Variants in C5orf15 observed in about 807,000 individuals in gnomAD.
The protein encoded by C5orf15 is keratinocyte-associated transmembrane protein 2.
In C5orf15, 10 loss-of-function variants were observed where a neutral mutation model predicts 17.8. That is an observed-to-expected ratio of 0.56 (90% CI 0.35 to 0.95). The LOEUF is 0.95. C5orf15 is among the 40% of genes least tolerant of loss of function. The pLI, the probability that C5orf15 is intolerant of heterozygous loss-of-function variation, is 0.02. For synonymous variants in C5orf15, 124 were observed against 131.0 expected, an observed-to-expected ratio of 0.95 and a Z score of 0.36; for missense variants, 319 against 331.7, an observed-to-expected ratio of 0.96 and a Z score of 0.30.
chr5:133,959,965 G>T lies in C5orf15; in HGVS notation c.195C>A (p.Thr65=), dbSNP rs780496860. 1 of 1,613,922 alleles carries T rather than the reference G, an allele frequency of 6.2e-7. No individual in the cohort carries two copies. The highest frequency in any genetic ancestry group is 8.5e-7 in the Non-Finnish European group (1 of 1,179,938). The change falls in exon 2 of 3, where the codon ACC becomes ACA. Residue 65 remains threonine (T), a synonymous_variant. Coordinates refer to ENST00000231512, the MANE Select transcript of C5orf15 (RefSeq NM_020199.3). ...CATGTGTTAAAGCATTCACATTTGG[G>T]GTAGAAATATGTGAGTTGAGTACGG... The part of the protein sequence containing the change: ...SPTVLNSHIS[T]PNVNALTHEN...
rs527787014 is a variant in C5orf15, at chr5:133,967,918, G to A, written c.139+528C>T. On this transcript the variant is annotated intron_variant, in intron 1 of 2. Coordinates refer to ENST00000231512, the MANE Select transcript of C5orf15 (RefSeq NM_020199.3). ...CTGGATTACTGCCCCTGCCCGCCTC[G>A]GTCTTTACCACTGACCTCTCCCATT... Among the ~76,000 whole-genome samples, 21 of 151,992 alleles carry A rather than the reference G, an allele frequency of 1.4e-4. No individual in the cohort carries two copies. In the East Asian group the frequency reaches 4.1e-3, roughly 29 times the overall value.
chr5:133,957,159 G>C (rs1471310690), intron 2 of C5orf15, among the ~76,000 whole-genome samples, 169 bp from the exon 3 acceptor site: 1 of 152,056 alleles, frequency 6.6e-6, no homozygotes, highest in East Asian at 1.9e-4. Context: ...GAGCCCAGGA[G>C]TCCGAGACCA....
chr5:133,966,034 A>C (rs569288105), intron 1 of C5orf15, among the ~76,000 whole-genome samples: 57 of 152,164 alleles, frequency 3.7e-4, no homozygotes, highest in African/African-American at 1.2e-3. Context: ...ACCATCCTGG[A>C]TAACACGGTG....
chr5:133,966,180 C>G (rs1408163419), intron 1 of C5orf15, among the ~76,000 whole-genome samples: 2 of 151,158 alleles, frequency 1.3e-5, no homozygotes. Flanking sequence ...GAGATCACGC[C>G]ACTGCACTCC....
At chr5:133,960,401 T>C (rs1298536498) in intron 1 of C5orf15, among the ~76,000 whole-genome samples, 8 of 152,198 alleles carry the variant, frequency 5.3e-5, no homozygotes, top group Admixed American at 5.2e-4. Context: ...GTCCAGACTT[T>C]ACCTGATCCC....
rs1322274410 is a variant in C5orf15 at position 133,959,907 on chromosome 5, T to C, written c.253A>G (p.Ser85Gly). ...NQTKPSISQISTTLPPTTSTK... is the reference protein window; with the variant it reads ...NQTKPSISQIGTTLPPTTSTK... ...CTCGTCGTGGGAGGGAGGGTGGTGC[T>C]GATTTGGGAAATAGAAGGTTTGGTT... Residue 85 changes from serine (S) to glycine (G), a missense_variant, in exon 2 of 3, where the codon AGC becomes GGC. Physicochemically the swap from Ser to Gly is moderately conservative, Grantham distance 56 (BLOSUM62 0). Around this residue, in one of 3 missense-constraint regions of C5orf15, gnomAD observed 17 missense variants for 43.6 expected, o/e 0.39. Transcript: ENST00000231512. 6.2e-7 allele frequency: 1 copy of C among 1,614,076 alleles called. No individual in the cohort carries two copies. The highest frequency in any genetic ancestry group is 1.7e-5 in the Admixed American group (1 of 60,010).
Position 133,955,832 on chromosome 5 carries a change from T to C in C5orf15, c.*1027A>G, listed in dbSNP as rs1029717793. On this transcript the variant is annotated 3_prime_UTR_variant, in exon 3 of 3. Coordinates refer to ENST00000231512, the MANE Select transcript of C5orf15 (RefSeq NM_020199.3). ...TTACATATTGATCAATTCTTTATGA[T>C]AGAAAGACAGACATAAATGAATCCC... 1.2e-4 allele frequency: 18 copies of C among 152,360 alleles called. No individual in the cohort carries two copies. The highest frequency in any genetic ancestry group is 4.1e-4 in the African/African-American group (17 of 41,562). The allele number at this position is 152,360 out of a possible 1,614,324, so 9.4% of individuals were successfully genotyped here.
Position 133,968,597 on chromosome 5 carries a change from TGGG to T in C5orf15, c.-16_-14del, listed in dbSNP as rs1752232777. 2 of 1,600,926 alleles carry T rather than the reference TGGG, an allele frequency of 1.2e-6. No individual in the cohort carries two copies. The highest frequency in any genetic ancestry group is 1.7e-6 in the Non-Finnish European group (2 of 1,174,394). ...CGGCAGCGGCCATAACGGACTCGGC[TGGG>T]AGCCTGCGCTGTTGCTAGGCTCTAC... On this transcript the variant is annotated 5_prime_UTR_variant, in exon 1 of 3. Coordinates refer to ENST00000231512, the MANE Select transcript of C5orf15 (RefSeq NM_020199.3).
At position 133,959,764 on chromosome 5, in the gene C5orf15, C is replaced by G. The variant is rs550486404; in HGVS notation, c.396G>C (p.Leu132=). The G allele has an allele frequency of 6.2e-7, 1 of 1,613,998 alleles. No homozygotes were observed. Among genetic ancestry groups the G allele is most frequent in the Non-Finnish European group, 8.5e-7 (1 of 1,180,030 alleles). ...CTTTGGCTGTGGATGGAGAACTGTT[C>G]AGCATGAGAAGATCCTCCTCCTCTA... ...PSIEEEDLLM[L]NSSPSTAKDT... Residue 132 remains leucine (L), a synonymous_variant, in exon 2 of 3, where the codon CTG becomes CTC. Coordinates refer to ENST00000231512, the MANE Select transcript of C5orf15 (RefSeq NM_020199.3).
chr5:133,956,854 G>A lies in C5orf15; in HGVS notation c.*5C>T. 1.9e-6 allele frequency: 3 copies of A among 1,580,166 alleles called. No homozygotes were observed. Among genetic ancestry groups the A allele is most frequent in the Non-Finnish European group, 2.6e-6 (3 of 1,168,648 alleles). ...ATTACATAAGCAAATTCAAATCACAGTGCTTTAAAAAATATAATCATTGGT... is the reference window on the plus strand; with the variant it reads ...ATTACATAAGCAAATTCAAATCACAATGCTTTAAAAAATATAATCATTGGT... On this transcript the variant is annotated 3_prime_UTR_variant, in exon 3 of 3. Transcript: ENST00000231512.
chr5:133,966,367 C>A (rs1752192307), intron 1 of C5orf15, among the ~76,000 whole-genome samples: 1 of 151,690 alleles, frequency 6.6e-6, no homozygotes, highest in African/African-American at 2.4e-5. Flanking sequence ...AGAAACAATG[C>A]CTTAAAAATG....
rs1321887830 is a variant in C5orf15 at position 133,956,448 on chromosome 5, C to G, written c.*411G>C. 1.3e-5 allele frequency: 2 copies of G among 156,060 alleles called. No individual in the cohort carries two copies. Among genetic ancestry groups the G allele is most frequent in the African/African-American group, 4.8e-5 (2 of 41,414 alleles). 9.7% of individuals were successfully genotyped at this position (156,060 alleles called of 1,614,324 possible). Reference sequence around the variant, plus strand: ...TTATCACACATATCCTTGTACATTACAGTTTGGGAACAAAAAAAAATGTGG... The same window carrying G: ...TTATCACACATATCCTTGTACATTAGAGTTTGGGAACAAAAAAAAATGTGG... On this transcript the variant is annotated 3_prime_UTR_variant, in exon 3 of 3. Transcript: ENST00000231512.
intron 1 of C5orf15, among the ~76,000 whole-genome samples, chr5:133,963,546 C>A (rs560330212): frequency 1.1e-4 from 16 of 152,140 alleles, no homozygotes; most frequent in Non-Finnish European, 2.4e-4. Context: ...CAGTTAGAGA[C>A]CTCAGGATAT....
chr5:133,959,491 T>C lies in C5orf15; in HGVS notation c.666+3A>G. ...TAAAGGGCTAAAAAAATCCCAAACC[T>C]ACCTTCCTTTTGTTGTGATATGTAA... On this transcript the variant is annotated splice_donor_region_variant and intron_variant, in intron 2 of 2. Transcript: ENST00000231512. 1.6e-6 allele frequency: 2 copies of C among 1,270,674 alleles called. No individual in the cohort carries two copies. Among genetic ancestry groups the C allele is most frequent in the Non-Finnish European group, 2.0e-6 (2 of 983,274 alleles). 78.7% of individuals were successfully genotyped at this position (1,270,674 alleles called of 1,614,324 possible).
intron 1 of C5orf15, chr5:133,967,293 A>C (rs1355567746): frequency 2.0e-5 from 3 of 152,256 alleles, no homozygotes; most frequent in Non-Finnish European, 4.4e-5. Context: ...CCAGTTAGCA[A>C]CACTGAAATG....
At chr5:133,965,181 TCAC>T (rs1752175589) in intron 1 of C5orf15, among the ~76,000 whole-genome samples, 1 of 152,126 alleles carries the variant, frequency 6.6e-6, no homozygotes, top group Non-Finnish European at 1.5e-5. Flanking sequence ...GATTCAACTC[TCAC>T]CACAAATCCC....
At chr5:133,967,755 G>A (rs1314059220) in intron 1 of C5orf15, among the ~76,000 whole-genome samples, 1 of 152,144 alleles carries the variant, frequency 6.6e-6, no homozygotes, top group Non-Finnish European at 1.5e-5. Context: ...CAAGCCTTCA[G>A]GGGCCCAACG....
chr5:133,957,311 C>T (rs573418338), intron 2 of C5orf15, among the ~76,000 whole-genome samples: 1 of 150,268 alleles, frequency 6.7e-6, no homozygotes, highest in African/African-American at 2.4e-5. Context: ...CACAGTAAGC[C>T]ATGACAGCAC....
chr5:133,957,139 C>A (rs1752052355), intron 2 of C5orf15, 149 bp from the exon 3 acceptor site: 9 of 647,894 alleles, frequency 1.4e-5, no homozygotes, highest in Non-Finnish European at 1.8e-5. Flanking sequence ...CCGAGGCAGG[C>A]AGATCACTTG....
Sources: gnomAD v4.1 joint callset for allele counts (sites outside exome capture counted in the v4.1 genomes callset) on GRCh38, gnomAD v4.1.1 for gene constraint, gnomAD v4.1.1 regional missense constraint, MANE v1.5 for transcripts, NCBI Gene and HGNC (gene_info 2026-07-23, HGNC 2026-07-21) for gene names.